CLASP2: variants seen among roughly 807,000 people sequenced by gnomAD.
The protein encoded by CLASP2 is cytoplasmic linker associated protein 2.
Under a neutral mutation model 194.4 loss-of-function variants are expected in CLASP2, and 47 were observed. That is an observed-to-expected ratio of 0.24 (90% CI 0.19 to 0.31). CLASP2 has a LOEUF of 0.31. Ranked by LOEUF, CLASP2 falls within the 10% of genes least tolerant of loss-of-function variation. CLASP2 has a pLI of 1.00. For missense variants in CLASP2, 1,445 were observed against 1,823.6 expected (o/e 0.79, Z 3.78); for synonymous variants, 619 against 633.5 (o/e 0.98, Z 0.34).
intron 37 of CLASP2, among the ~76,000 whole-genome samples, chr3:33,507,983 TATATATATA>T (rs2048733714): frequency 6.7e-6 from 1 of 150,364 alleles, no homozygotes; most frequent in African/African-American, 2.4e-5. Context: ...TGTGTGTGTG[TATATATATA>T]ATATATATAT....
intron 10 of CLASP2, 108 bp downstream of exon 10, chr3:33,626,880 C>T: frequency 1.6e-6 from 1 of 633,504 alleles, no homozygotes. Flanking sequence ...CTATCAGACT[C>T]TCTATTTTAT....
intron 27 of CLASP2, 148 bp downstream of exon 27, chr3:33,566,584 G>C (rs764782957): frequency 3.3e-5 from 9 of 272,026 alleles, no homozygotes; most frequent in South Asian, 3.0e-4. Flanking sequence ...CAAACAGAAT[G>C]ATAGTTTGCA....
At chr3:33,710,351 TATC>T (rs965767129) in intron 1 of CLASP2, among the ~76,000 whole-genome samples, 2 of 152,246 alleles carry the variant, frequency 1.3e-5, no homozygotes, top group Non-Finnish European at 2.9e-5. Context: ...TTTTAATTAT[TATC>T]ATAAGCAGGC....
chr3:33,644,522 AAAAT>A (rs1277164335), intron 8 of CLASP2: 1 of 495,200 alleles, frequency 2.0e-6, no homozygotes, highest in African/African-American at 2.0e-5. Context: ...TGGCATCTGA[AAAAT>A]AAATACCCTC....
intron 12 of CLASP2, among the ~76,000 whole-genome samples, chr3:33,618,935 T>C (rs2076659752): frequency 6.6e-6 from 1 of 152,188 alleles, no homozygotes; most frequent in Admixed American, 6.5e-5. Flanking sequence ...CGTTAGGTGA[T>C]TTCATCATAG....
At position 33,510,436 on chromosome 3, in the gene CLASP2, T is replaced by A; in HGVS notation, c.4317+122A>T. 5.6e-6 allele frequency: 5 copies of A among 887,748 alleles called. No individual in the cohort carries two copies. The Admixed American group carries it at 7.2e-5, about 13-fold the overall frequency. The allele number at this position is 887,748 out of a possible 1,614,324, so 55.0% of individuals were successfully genotyped here. A position where few individuals can be genotyped will look rare whatever the true frequency, so the allele number is the denominator to read the frequency against. On this transcript the variant is annotated intron_variant, in intron 37 of 38. Coordinates refer to ENST00000682230, the MANE Select transcript of CLASP2 (RefSeq NM_001365631.1). ...GGCTAGTTATGAAAAGTCTTTGTCC[T>A]GAATATTGCAGACAAACGGGAGGAA...
Position 33,688,293 on chromosome 3 carries a change from T to C in CLASP2, c.454A>G (p.Ile152Val). ...AAAACTTACATGTTTAAGGTTTCAA[T>C]AAGACACAGACACACGCCTTCTCGA... ...RSREGVCLCL[I>V]ETLNIFGAQP... is the part of the protein sequence containing the mutation. Residue 152 changes from isoleucine to valine, a missense_variant, in exon 4 of 39, where the codon ATT (isoleucine) becomes GTT (valine). Transcript: ENST00000682230. The C allele has an allele frequency of 6.3e-7, 1 of 1,578,514 alleles. No individual in the cohort carries two copies. The highest frequency in any genetic ancestry group is 8.6e-7 in the Non-Finnish European group (1 of 1,162,442).
At chr3:33,616,375 A>G (rs985436009) in intron 12 of CLASP2, among the ~76,000 whole-genome samples, 1 of 152,046 alleles carries the variant, frequency 6.6e-6, no homozygotes, top group Non-Finnish European at 1.5e-5. Context: ...GTAAAACAGG[A>G]AAAAAAATTC....
chr3:33,700,140 C>A (rs2092270626), intron 1 of CLASP2, among the ~76,000 whole-genome samples: 1 of 152,086 alleles, frequency 6.6e-6, no homozygotes, highest in Non-Finnish European at 1.5e-5. Context: ...ATATTTAAAA[C>A]CTTAAAAATA....
chr3:33,555,899 T>G (rs556419381), intron 29 of CLASP2, among the ~76,000 whole-genome samples: 1 of 152,374 alleles, frequency 6.6e-6, no homozygotes, highest in African/African-American at 2.4e-5. Context: ...TTTACTATAC[T>G]AATAGGCAAC....
chr3:33,655,249 T>A (rs1280614108), intron 7 of CLASP2, among the ~76,000 whole-genome samples: 1 of 152,142 alleles, frequency 6.6e-6, no homozygotes, highest in African/African-American at 2.4e-5. Flanking sequence ...ATTAGCAACA[T>A]CAGGTTTGAG....
At chr3:33,625,851 T>C (rs2077954824) in intron 10 of CLASP2, among the ~76,000 whole-genome samples, 1 of 152,008 alleles carries the variant, frequency 6.6e-6, no homozygotes, top group South Asian at 2.1e-4. Context: ...TCTGTAGTTT[T>C]CTGCATTGTT....
intron 28 of CLASP2, among the ~76,000 whole-genome samples, chr3:33,560,597 T>C (rs887779797): frequency 7.2e-5 from 11 of 152,032 alleles, no homozygotes; most frequent in African/African-American, 2.7e-4. Flanking sequence ...CCAATATTAA[T>C]ACAATTTTTA....
chr3:33,504,224 G>T (rs2047534411), intron 37 of CLASP2: 1 of 152,012 alleles, frequency 6.6e-6, no homozygotes, highest in African/African-American at 2.4e-5. Context: ...GATGCTTTAG[G>T]TGTCATATCT....
Position 33,497,465 on chromosome 3 carries a change from A to C in CLASP2, c.*1166T>G, listed in dbSNP as rs2045940557. On this transcript the variant is annotated 3_prime_UTR_variant, in exon 39 of 39. Coordinates refer to ENST00000682230, the MANE Select transcript of CLASP2 (RefSeq NM_001365631.1). ...AAGAGGTGATTAAAAAAATTTGCTA[A>C]AAAGTAACAGAAAATCACCCTTTAA... 1 of 152,624 alleles carries C rather than the reference A, an allele frequency of 6.6e-6. No individual in the cohort carries two copies. Among genetic ancestry groups the C allele is most frequent in the African/African-American group, 2.4e-5 (1 of 41,456 alleles). 9.5% of individuals were successfully genotyped at this position (152,624 alleles called of 1,614,324 possible). A position where few individuals can be genotyped will look rare whatever the true frequency, so the allele number is the denominator to read the frequency against.
chr3:33,547,697 T>G (rs1234727556), intron 30 of CLASP2, among the ~76,000 whole-genome samples: 4 of 152,122 alleles, frequency 2.6e-5, no homozygotes, highest in African/African-American at 9.7e-5. Flanking sequence ...TTTGGAAGAA[T>G]GTGTGAAGAA....
Position 33,688,332 on chromosome 3 carries a change from T to C in CLASP2, c.415A>G (p.Lys139Glu). The C allele has an allele frequency of 6.3e-7, 1 of 1,593,330 alleles. No individual in the cohort carries two copies. The highest frequency in any genetic ancestry group is 8.6e-7 in the Non-Finnish European group (1 of 1,168,966). Residue 139 changes from lysine (K) to glutamate (E), a missense_variant, in exon 4 of 39, where the codon AAG becomes GAG. Around this residue, in one of 4 missense-constraint regions of CLASP2, gnomAD observed 332 missense variants for 325.3 expected, o/e 1.02. Coordinates refer to ENST00000682230, the MANE Select transcript of CLASP2 (RefSeq NM_001365631.1). ...WEQLASGFKH[K>E]NFRSREGVCL... ...ACGCCTTCTCGAGATCGAAAATTCT[T>C]GTGTTTAAAACCAGAAGCCAACTGC...
intron 2 of CLASP2, among the ~76,000 whole-genome samples, chr3:33,695,644 A>G (rs1436626284): frequency 6.6e-6 from 1 of 152,104 alleles, no homozygotes; most frequent in African/African-American, 2.4e-5. Flanking sequence ...CTTAATCCAC[A>G]AAAGAAAATC....
Position 33,620,525 on chromosome 3 carries a change from G to A in CLASP2, c.1182-787C>T, listed in dbSNP as rs115871198. On this transcript the variant is annotated intron_variant, in intron 11 of 38. Coordinates refer to ENST00000682230, the MANE Select transcript of CLASP2 (RefSeq NM_001365631.1). ...TCTTGATTCAAAGAGCTCAGATTCC[G>A]ACCTATGCACTGTTATAATATTAGT... 2.0e-3 allele frequency among the ~76,000 whole-genome samples: 301 copies of A among 152,256 alleles called. 3 individuals carry two copies. The highest frequency in any genetic ancestry group is 6.9e-3 in the African/African-American group (287 of 41,550).
Sources: allele counts gnomAD v4.1 joint callset (sites outside exome capture counted in the v4.1 genomes callset), GRCh38; gene constraint gnomAD v4.1.1; regional missense constraint gnomAD v4.1.1; transcripts MANE v1.5; gene names NCBI Gene and HGNC (gene_info 2026-07-23, HGNC 2026-07-21).